Variants in GRIK4 observed in about 807,000 individuals in gnomAD.
GRIK4 encodes the protein glutamate receptor ionotropic, kainate 4.
A neutral mutation model predicts 104.9 loss-of-function variants in GRIK4; 40 were observed. The observed-to-expected ratio is 0.38, with a 90% CI of 0.30 to 0.50. GRIK4 has a LOEUF of 0.50. GRIK4 is among the 20% of genes least tolerant of loss of function. GRIK4 has a pLI of 0.93. For missense variants in GRIK4, 1,047 were observed against 1,308.1 expected (o/e 0.80, Z 3.08); for synonymous variants, 485 against 524.9 (o/e 0.92, Z 1.04).
intron 3 of GRIK4, among the ~76,000 whole-genome samples, chr11:120,703,470 A>T (rs1052105434): frequency 1.3e-5 from 2 of 152,082 alleles, no homozygotes; most frequent in African/African-American, 4.8e-5. Flanking sequence ...TAGCCAGTTT[A>T]CAAGCTCTCT....
intron 9 of GRIK4, among the ~76,000 whole-genome samples, chr11:120,865,746 C>T (rs928044827): frequency 6.6e-6 from 1 of 152,172 alleles, no homozygotes; most frequent in Admixed American, 6.5e-5. Flanking sequence ...AGTCTGAATA[C>T]CCGAATACAG....
At chr11:120,522,111 G>A (rs564846044) in intron 1 of GRIK4, among the ~76,000 whole-genome samples, 5 of 152,298 alleles carry the variant, frequency 3.3e-5, no homozygotes, top group East Asian at 3.9e-4. Context: ...TGATAGAGCC[G>A]GGATATGAAC....
At chr11:120,889,618 T>TTTTTTTTTTTTTTTTTTG (rs1955224014) in intron 11 of GRIK4, among the ~76,000 whole-genome samples, 2 of 139,100 alleles carry the variant, frequency 1.4e-5, no homozygotes, top group African/African-American at 3.1e-5. Context: ...TTTTTTTTTT[T>TTTTTTTTTTTTTTTTTTG]TATGAGATGG....
chr11:120,689,829 G>A (rs540845418), intron 3 of GRIK4, among the ~76,000 whole-genome samples: 2 of 151,976 alleles, frequency 1.3e-5, no homozygotes, highest in African/African-American at 2.4e-5. Flanking sequence ...CCACACCCCC[G>A]CCAGGGCAAA....
chr11:120,768,737 G>C (rs767071363), intron 3 of GRIK4, among the ~76,000 whole-genome samples: 7 of 152,142 alleles, frequency 4.6e-5, no homozygotes, highest in Non-Finnish European at 7.4e-5. Flanking sequence ...ACTGTTAAGA[G>C]GTTTTATCAA....
In GRIK4 at chr11:120,969,540, G is replaced by T. The variant is rs186684594; in HGVS notation, c.2395+2217G>T. Among the ~76,000 whole-genome samples the T allele has an allele frequency of 2.0e-4, 31 of 152,162 alleles. No homozygotes were observed. In the East Asian group the frequency reaches 6.0e-3, roughly 29 times the overall value. ...ATGGGTTTGTACTAGGGAAGGTGTG[G>T]GTAGCAAAATGCTCCTCCACTCCTT... On this transcript the variant is annotated intron_variant, in intron 19 of 20. Transcript: ENST00000527524.
intron 11 of GRIK4, among the ~76,000 whole-genome samples, chr11:120,891,075 A>G (rs1281395696): frequency 6.6e-6 from 1 of 152,252 alleles, no homozygotes; most frequent in Admixed American, 6.5e-5. Context: ...ACAAAGTGGC[A>G]AAATGACAGC....
chr11:120,651,433 G>C (rs1949617342), intron 1 of GRIK4, among the ~76,000 whole-genome samples: 1 of 152,110 alleles, frequency 6.6e-6, no homozygotes. Context: ...GTGCATTAGG[G>C]GTCTGAAATC....
chr11:120,840,825 T>C (rs4421753), intron 8 of GRIK4, among the ~76,000 whole-genome samples: 2,177 of 152,278 alleles, frequency 0.014, 54 homozygotes, highest in African/African-American at 0.049. Context: ...CCATCACCAC[T>C]ATATATTTCT....
intron 1 of GRIK4, among the ~76,000 whole-genome samples, chr11:120,565,044 T>A (rs894478975): frequency 2.0e-5 from 3 of 152,126 alleles, no homozygotes; most frequent in African/African-American, 7.2e-5. Flanking sequence ...GTGCTCCCGC[T>A]GGGGACTGTT....
At chr11:120,622,396 T>C (rs1245487091) in intron 1 of GRIK4, among the ~76,000 whole-genome samples, 6 of 152,194 alleles carry the variant, frequency 3.9e-5, no homozygotes, top group East Asian at 1.9e-4. Context: ...GAGACACTTA[T>C]CTGGGTAGTT....
chr11:120,741,187 A>G (rs2511064), intron 3 of GRIK4, among the ~76,000 whole-genome samples: 112,578 of 151,534 alleles, frequency 0.74, 42,144 homozygotes, highest in Middle Eastern at 0.84. Context: ...CCACTTTACA[A>G]TTGAGGAATT....
chr11:120,654,204 A>G (rs1949664010), intron 2 of GRIK4, among the ~76,000 whole-genome samples: 2 of 152,208 alleles, frequency 1.3e-5, no homozygotes, highest in East Asian at 1.9e-4. Context: ...GGTTAGACAC[A>G]TACTTCAATT....
intron 1 of GRIK4, among the ~76,000 whole-genome samples, chr11:120,579,208 C>T (rs1262549025): frequency 6.7e-6 from 1 of 149,690 alleles, no homozygotes; most frequent in African/African-American, 2.4e-5. Flanking sequence ...TGGGAAGTGA[C>T]AGCACACGAC....
intron 1 of GRIK4, among the ~76,000 whole-genome samples, chr11:120,641,842 T>C (rs191010287): frequency 1.3e-5 from 2 of 152,350 alleles, no homozygotes; most frequent in Non-Finnish European, 1.5e-5. Flanking sequence ...CCAGTAGGTC[T>C]CAGCCTCATT....
chr11:120,641,743 T>TTATCAGCAAGGTCTTTGTGATCTG (rs1328404293), intron 1 of GRIK4, among the ~76,000 whole-genome samples: 41 of 152,318 alleles, frequency 2.7e-4, no homozygotes, highest in Middle Eastern at 3.4e-3. Flanking sequence ...ACACCCTGTT[T>TTATCAGCAAGGTCTTTGTGATCTG]TATCAGCAAG....
At chr11:120,736,600 T>C (rs1346455600) in intron 3 of GRIK4, among the ~76,000 whole-genome samples, 1 of 152,196 alleles carries the variant, frequency 6.6e-6, no homozygotes, top group African/African-American at 2.4e-5. Flanking sequence ...ATAAAGCAAA[T>C]GAATAATTAG....
intron 3 of GRIK4, among the ~76,000 whole-genome samples, chr11:120,706,784 C>T (rs1332539858): frequency 6.6e-6 from 1 of 152,200 alleles, no homozygotes; most frequent in Non-Finnish European, 1.5e-5. Context: ...GGTTCTCACC[C>T]CCTCTGTAGC....
At chr11:120,747,000 T>C (rs1184265446) in intron 3 of GRIK4, among the ~76,000 whole-genome samples, 1 of 152,128 alleles carries the variant, frequency 6.6e-6, no homozygotes, top group Non-Finnish European at 1.5e-5. Flanking sequence ...ATGGGCTTGC[T>C]CTAAGAATGA....
Sources: gnomAD v4.1 joint callset for allele counts (sites outside exome capture counted in the v4.1 genomes callset) on GRCh38, gnomAD v4.1.1 for gene constraint, MANE v1.5 for transcripts, NCBI Gene and HGNC (gene_info 2026-07-23, HGNC 2026-07-21) for gene names.